Variants in NELL1 observed in about 807,000 individuals in gnomAD.
The protein encoded by NELL1 is protein kinase C-binding protein NELL1.
In NELL1, 76 loss-of-function variants were observed where a neutral mutation model predicts 107.4. The observed-to-expected ratio is 0.71, with a 90% CI of 0.59 to 0.86. NELL1 has a LOEUF of 0.86. NELL1 is among the 40% of genes least tolerant of loss of function. NELL1 has a pLI of 0.00. For missense variants in NELL1, 1,024 were observed against 1,005.5 expected, an observed-to-expected ratio of 1.02 and a Z score of -0.25; for synonymous variants, 353 against 341.2, an observed-to-expected ratio of 1.03 and a Z score of -0.38.
At chr11:21,525,515 G>T (rs1855829334) in intron 15 of NELL1, among the ~76,000 whole-genome samples, 1 of 152,190 alleles carries the variant, frequency 6.6e-6, no homozygotes, top group Non-Finnish European at 1.5e-5. Flanking sequence ...TCATTCAGCT[G>T]GTTAGCAGCA....
intron 13 of NELL1, among the ~76,000 whole-genome samples, chr11:21,179,363 G>GTCAT (rs1242071548): frequency 6.6e-6 from 1 of 151,860 alleles, no homozygotes; most frequent in Non-Finnish European, 1.5e-5. Context: ...TGCCACAATA[G>GTCAT]TCATATGTAA....
At chr11:21,532,000 G>T (rs1424200888) in intron 15 of NELL1, among the ~76,000 whole-genome samples, 1 of 152,150 alleles carries the variant, frequency 6.6e-6, no homozygotes, top group Non-Finnish European at 1.5e-5. Flanking sequence ...CCCCTCTCAA[G>T]TACAATATGG....
At chr11:20,940,300 C>T (rs1279027719) in intron 10 of NELL1, among the ~76,000 whole-genome samples, 1 of 151,918 alleles carries the variant, frequency 6.6e-6, no homozygotes, top group Non-Finnish European at 1.5e-5. Context: ...CGCTCTGTCT[C>T]CCAGGCTGGA....
At chr11:21,363,388 A>T (rs1851130629) in intron 14 of NELL1, among the ~76,000 whole-genome samples, 1 of 152,206 alleles carries the variant, frequency 6.6e-6, no homozygotes, top group Non-Finnish European at 1.5e-5. Context: ...CAGATTGCCA[A>T]GTGGAGATGT....
intron 4 of NELL1, among the ~76,000 whole-genome samples, chr11:20,852,308 A>G (rs1848808974): frequency 2.0e-5 from 3 of 152,216 alleles, no homozygotes; most frequent in Admixed American, 2.0e-4. Context: ...TTTATTATCC[A>G]TAGAGCACAT....
chr11:21,133,650 C>T (rs559005708), intron 13 of NELL1, among the ~76,000 whole-genome samples: 74 of 151,974 alleles, frequency 4.9e-4, no homozygotes, highest in African/African-American at 1.8e-3. Context: ...GCAAAAGCAC[C>T]CAGGTTTGGC....
chr11:21,438,229 G>C (rs959441802), intron 15 of NELL1, among the ~76,000 whole-genome samples: 1 of 150,632 alleles, frequency 6.6e-6, no homozygotes, highest in African/African-American at 2.4e-5. Flanking sequence ...CTGAAGGATA[G>C]CTTTACTGGT....
chr11:21,135,563 T>A (rs1855727341), intron 13 of NELL1, among the ~76,000 whole-genome samples: 1 of 152,224 alleles, frequency 6.6e-6, no homozygotes, highest in Admixed American at 6.5e-5. Flanking sequence ...CAAGTCACTT[T>A]AACCCATCTG....
chr11:21,368,622 C>CTT (rs1851287459), intron 14 of NELL1, among the ~76,000 whole-genome samples: 1 of 151,888 alleles, frequency 6.6e-6, no homozygotes, highest in South Asian at 2.1e-4. Flanking sequence ...CTATCAGATA[C>CTT]CTCCATGAAA....
At chr11:21,487,862 C>G (rs1313907448) in intron 15 of NELL1, among the ~76,000 whole-genome samples, 1 of 152,058 alleles carries the variant, frequency 6.6e-6, no homozygotes, top group African/African-American at 2.4e-5. Context: ...CAGAAGCTAA[C>G]AACCGGGAGG....
intron 4 of NELL1, among the ~76,000 whole-genome samples, chr11:20,849,436 A>G (rs1300044513): frequency 6.6e-6 from 1 of 152,022 alleles, no homozygotes; most frequent in East Asian, 1.9e-4. Flanking sequence ...CAGCTCTTTG[A>G]CCCTGCCTTC....
chr11:21,370,602 T>C lies in NELL1; in HGVS notation c.1550-251T>C, dbSNP rs116281688. Among the ~76,000 whole-genome samples the C allele has an allele frequency of 3.1e-3, 477 of 152,208 alleles. 2 individuals carry two copies. The highest frequency in any genetic ancestry group is 0.011 in the African/African-American group (452 of 41,546). ...GAGTAAAAGTTATAGCGGTTACTAC[T>C]AGCTACCATTTAGCGCATGCCAGCC... is the stretch of plus-strand genomic sequence containing the variant. On this transcript the variant is annotated intron_variant, in intron 14 of 19. Coordinates refer to ENST00000357134, the MANE Select transcript of NELL1 (RefSeq NM_006157.5).
In NELL1 at chr11:21,067,370, A is replaced by G. The variant is rs547336624; in HGVS notation, c.1301-46219A>G. On this transcript the variant is annotated intron_variant, in intron 12 of 19. Coordinates refer to ENST00000357134, the MANE Select transcript of NELL1 (RefSeq NM_006157.5). ...AATTTTGCAAACATGATTTTTTTTT[A>G]AAGTCTTGCATTTTAAAGTAGTGTT... 1.6e-4 allele frequency among the ~76,000 whole-genome samples: 25 copies of G among 151,692 alleles called. 1 individual carries two copies. In the South Asian group the frequency reaches 4.8e-3, roughly 29 times the overall value.
intron 13 of NELL1, among the ~76,000 whole-genome samples, chr11:21,200,271 A>C (rs1337266884): frequency 1.3e-5 from 2 of 152,110 alleles, no homozygotes; most frequent in African/African-American, 2.4e-5. Flanking sequence ...AACAGTGTAA[A>C]AGCATTCCTA....
intron 15 of NELL1, among the ~76,000 whole-genome samples, chr11:21,465,155 A>G (rs1433094843): frequency 6.6e-6 from 1 of 152,096 alleles, no homozygotes; most frequent in Non-Finnish European, 1.5e-5. Context: ...ATTCTTGAGG[A>G]GGTGATATAG....
rs375070486 is a variant in NELL1, at chr11:20,677,933, G to C, written c.57G>C (p.Val19=). Residue 19 remains valine (V), a splice_region_variant and synonymous_variant, in exon 2 of 20, where the codon GTG becomes GTC. Coordinates refer to ENST00000357134, the MANE Select transcript of NELL1 (RefSeq NM_006157.5). The stretch of plus-strand genomic sequence containing the variant: ...AAACAACTCTTTGTTCCTTTCCAGT[G>C]GTGGGCTTTGGGATGGACCCTGACC... ...VWFCVCTART[V]VGFGMDPDLQ... 2.7e-5 allele frequency: 43 copies of C among 1,613,908 alleles called. No individual in the cohort carries two copies. The highest frequency in any genetic ancestry group is 3.6e-5 in the Non-Finnish European group (42 of 1,179,956).
chr11:21,406,297 C>T (rs527442667), intron 15 of NELL1, among the ~76,000 whole-genome samples: 17 of 151,998 alleles, frequency 1.1e-4, no homozygotes, highest in Non-Finnish European at 1.9e-4. Context: ...AAGTTCTGTA[C>T]GTGTTTTTGA....
At chr11:21,422,052 A>G (rs10833530) in intron 15 of NELL1, among the ~76,000 whole-genome samples, 19,672 of 151,912 alleles carry the variant, frequency 0.13, 3,022 homozygotes, top group African/African-American at 0.36. Flanking sequence ...TCTGGAAAAA[A>G]CCAACCTTCA....
At chr11:20,780,410 A>G (rs191529630) in intron 2 of NELL1, among the ~76,000 whole-genome samples, 582 of 152,364 alleles carry the variant, frequency 3.8e-3, no homozygotes, top group Non-Finnish European at 6.7e-3. Flanking sequence ...TTGAAGTAAC[A>G]ATATAAATGA....
Sources: allele counts gnomAD v4.1 joint callset (sites outside exome capture counted in the v4.1 genomes callset), GRCh38; gene constraint gnomAD v4.1.1; transcripts MANE v1.5; gene names NCBI Gene and HGNC (gene_info 2026-07-23, HGNC 2026-07-21).